The following MOCOS variants were observed in gnomAD, a reference collection of about 807,000 sequenced individuals.
MOCOS encodes the protein human molybdenum cofactor sulfurase.
Under a neutral mutation model 83.6 loss-of-function variants are expected in MOCOS, and 86 were observed. That is an observed-to-expected ratio of 1.03 (90% CI 0.86 to 1.23). The LOEUF (loss-of-function observed/expected upper bound fraction) is 1.23, where lower values mean the gene tolerates loss of function less well. Ranked by LOEUF, MOCOS falls within the 50% of genes most tolerant of loss-of-function variation. MOCOS has a pLI of 0.00. For synonymous variants in MOCOS, 445 were observed against 434.7 expected (o/e 1.02, Z -0.29); for missense variants, 1,120 against 1,126.9 (o/e 0.99, Z 0.09).
chr18:36,249,089 T>G lies in MOCOS; in HGVS notation c.2039+89T>G, dbSNP rs553651352. The G allele has an allele frequency of 5.5e-4, 617 of 1,120,834 alleles. 4 individuals are homozygous for G. In the Middle Eastern group the frequency reaches 0.013, roughly 24 times the overall value. 69.4% of individuals were successfully genotyped at this position (1,120,834 alleles called of 1,614,324 possible). ...GGTAATGCCCTATGCAATCTATCCT[T>G]TGCTACCCTTCAGTCCAGTTGCTGT... On this transcript the variant is annotated intron_variant, in intron 10 of 14. Coordinates refer to ENST00000261326, the MANE Select transcript of MOCOS (RefSeq NM_017947.4).
intron 9 of MOCOS, among the ~76,000 whole-genome samples, chr18:36,240,474 A>T (rs1192273523): frequency 4.0e-5 from 6 of 150,296 alleles, no homozygotes; most frequent in Non-Finnish European, 7.4e-5. Context: ...GACCCACTTG[A>T]GGAGGCAGTC....
rs1252367006 is a variant in MOCOS at position 36,215,923 on chromosome 18, A to T, written c.1743A>T (p.Pro581=). 7 of 1,613,782 alleles carry T rather than the reference A, an allele frequency of 4.3e-6. 1 individual carries two copies. The East Asian group carries it at 1.6e-4, about 36-fold the overall frequency. The change falls in exon 8 of 15, where the codon CCA becomes CCT. Residue 581 remains proline (P), a synonymous_variant. Transcript: ENST00000261326. ...AAGVLEGALG[P]HVVTNLYLYP... ...GAGTCCTGGAGGGGGCCCTTGGGCC[A>T]CATGTTGTCACTAACCTTTATCTCT... is the stretch of plus-strand genomic sequence containing the variant.
chr18:36,213,532 C>T (rs2091463354), intron 7 of MOCOS, 50 bp downstream of exon 7: 2 of 1,491,278 alleles, frequency 1.3e-6, no homozygotes, highest in African/African-American at 1.4e-5. Context: ...GACCCAGCAA[C>T]ACCTGTTGCT....
intron 1 of MOCOS, among the ~76,000 whole-genome samples, chr18:36,193,731 G>A (rs1260844161): frequency 6.6e-6 from 1 of 152,046 alleles, no homozygotes; most frequent in Non-Finnish European, 1.5e-5. Flanking sequence ...TAGACAAATT[G>A]GATTTTATCA....
At chr18:36,251,345 A>G (rs1420012328) in intron 11 of MOCOS, 62 bp downstream of exon 11, 3 of 1,591,626 alleles carry the variant, frequency 1.9e-6, no homozygotes, top group Non-Finnish European at 2.6e-6. Flanking sequence ...GCACACATCA[A>G]AACAGCCCAT....
chr18:36,256,909 C>T, intron 11 of MOCOS, 59 bp from the exon 12 acceptor site: 2 of 1,397,644 alleles, frequency 1.4e-6, no homozygotes, highest in Non-Finnish European at 2.0e-6. Flanking sequence ...TCTATGGAAA[C>T]ATGATTCACT....
chr18:36,248,667 A>C (rs972321973), intron 9 of MOCOS, among the ~76,000 whole-genome samples: 6 of 152,154 alleles, frequency 3.9e-5, no homozygotes, highest in African/African-American at 1.2e-4. Context: ...ATGGTTATCT[A>C]GTTTTCCCAG....
chr18:36,190,941 C>T (rs979838290), intron 1 of MOCOS, among the ~76,000 whole-genome samples: 4 of 142,222 alleles, frequency 2.8e-5, no homozygotes, highest in South Asian at 2.2e-4. Context: ...GGAGGCTGAA[C>T]CTGGGAGGTG....
chr18:36,200,366 G>A (rs2091408814), intron 4 of MOCOS, 42 bp downstream of exon 4: 1 of 1,611,138 alleles, frequency 6.2e-7, no homozygotes, highest in Non-Finnish European at 8.5e-7. Context: ...GTTCAGCAAG[G>A]TGGGGTCTGG....
intron 1 of MOCOS, among the ~76,000 whole-genome samples, chr18:36,191,534 CTTGGGCTT>C (rs953955358): frequency 1.8e-4 from 28 of 152,336 alleles, no homozygotes; most frequent in Admixed American, 6.5e-4. Context: ...GCCTTGACCT[CTTGGGCTT>C]AAGCTATCCT....
At chr18:36,251,060 T>C in intron 10 of MOCOS, 99 bp from the exon 11 acceptor site, 5 of 1,429,080 alleles carry the variant, frequency 3.5e-6, no homozygotes, top group Non-Finnish European at 4.8e-6. Flanking sequence ...ATGCAATGTT[T>C]TGTTTTATTT....
chr18:36,246,284 G>A (rs1035382782), intron 9 of MOCOS, among the ~76,000 whole-genome samples: 5 of 152,286 alleles, frequency 3.3e-5, no homozygotes, highest in African/African-American at 9.6e-5. Context: ...GGACTCAAGG[G>A]CTGCTATTCA....
chr18:36,234,961 C>A (rs1343253658), intron 9 of MOCOS, among the ~76,000 whole-genome samples: 1 of 152,024 alleles, frequency 6.6e-6, no homozygotes, highest in Non-Finnish European at 1.5e-5. Flanking sequence ...TCCCCATGAT[C>A]CAATCACCTC....
chr18:36,242,179 C>T (rs1045134986), intron 9 of MOCOS, among the ~76,000 whole-genome samples: 2 of 152,206 alleles, frequency 1.3e-5, no homozygotes, highest in African/African-American at 4.8e-5. Context: ...TGCTCTGCTA[C>T]CCTCCCCTTT....
At chr18:36,266,684 C>T (rs1745790311) in intron 13 of MOCOS, 65 bp from the exon 14 acceptor site, 1 of 1,378,908 alleles carries the variant, frequency 7.3e-7, no homozygotes, top group Non-Finnish European at 1.0e-6. Flanking sequence ...TGTGATTCCT[C>T]CCTCTGAGGT....
chr18:36,235,377 C>T (rs1420304726), intron 9 of MOCOS, among the ~76,000 whole-genome samples: 25 of 131,058 alleles, frequency 1.9e-4, no homozygotes, highest in East Asian at 1.1e-3. Flanking sequence ...TGAGAATATG[C>T]GGTGTTTGGT....
intron 9 of MOCOS, among the ~76,000 whole-genome samples, chr18:36,230,173 T>G (rs2091532715): frequency 6.6e-6 from 1 of 152,094 alleles, no homozygotes; most frequent in Admixed American, 6.6e-5. Context: ...ACCTTTGCCC[T>G]GAGGTTTCAA....
In MOCOS at chr18:36,195,340, A is replaced by G. The variant is rs2091382875; in HGVS notation, c.226A>G (p.Thr76Ala). ...ESFTSDLMENTYGNPHSQNIS... is the reference protein window; with the variant it reads ...ESFTSDLMENAYGNPHSQNIS... The stretch of plus-strand genomic sequence containing the variant: ...CTTCACTAGTGATCTCATGGAAAAC[A>G]CTTATGGTAAAGAAAAACACCTGAA... Residue 76 changes from threonine (T) to alanine (A), a missense_variant, in exon 2 of 15, where the codon ACT (threonine) becomes GCT (alanine). By Grantham distance (58) the Thr-to-Ala change is moderately conservative. Coordinates refer to ENST00000261326, the MANE Select transcript of MOCOS (RefSeq NM_017947.4). 6.2e-7 allele frequency: 1 copy of G among 1,613,788 alleles called. No homozygotes were observed. The highest frequency in any genetic ancestry group is 8.5e-7 in the Non-Finnish European group (1 of 1,179,664).
intron 1 of MOCOS, among the ~76,000 whole-genome samples, chr18:36,191,054 G>A (rs2091364110): frequency 9.3e-6 from 1 of 107,036 alleles, no homozygotes; most frequent in South Asian, 3.5e-4. Flanking sequence ...AAAGTGTGTA[G>A]CACCTGCCCC....
Sources: gnomAD v4.1 joint callset for allele counts (sites outside exome capture counted in the v4.1 genomes callset) on GRCh38, gnomAD v4.1.1 for gene constraint, MANE v1.5 for transcripts, NCBI Gene and HGNC (gene_info 2026-07-23, HGNC 2026-07-21) for gene names.